NUP62: variants seen among roughly 807,000 people sequenced by gnomAD.
NUP62 encodes the protein nuclear pore glycoprotein p62.
For missense variants in NUP62, 647 were observed against 689.4 expected (o/e 0.94, Z 0.69); for synonymous variants, 305 against 303.4 (o/e 1.01, Z -0.05).
At position 49,908,505 on chromosome 19, in the gene NUP62, T is replaced by G. The variant is rs1219920087; in HGVS notation, c.1303A>C (p.Lys435Gln). The G allele has an allele frequency of 2.5e-6, 4 of 1,613,998 alleles. No homozygotes were observed. The highest frequency in any genetic ancestry group is 3.4e-6 in the Non-Finnish European group (4 of 1,180,030). ...HADEEREKTY[K>Q]LAENIDAQLK... ...TGTGCATCGATGTTCTCAGCCAGCTTGTAGGTTTTCTCACGCTCCTCATCC... is the reference window on the plus strand; with the variant it reads ...TGTGCATCGATGTTCTCAGCCAGCTGGTAGGTTTTCTCACGCTCCTCATCC... Residue 435 changes from lysine to glutamine, a missense_variant, in exon 3 of 3, where the codon AAG (lysine) becomes CAG (glutamine). Lys to Gln is a moderately conservative substitution (Grantham distance 53). Coordinates refer to ENST00000352066, the MANE Select transcript of NUP62 (RefSeq NM_016553.5).
intron 2 of NUP62, among the ~76,000 whole-genome samples, chr19:49,922,617 G>A (rs2075792074): frequency 6.6e-6 from 1 of 151,918 alleles, no homozygotes; most frequent in Non-Finnish European, 1.5e-5. Flanking sequence ...GTCACAGAGG[G>A]CCAGCAGCCT....
intron 2 of NUP62, among the ~76,000 whole-genome samples, chr19:49,917,393 C>A (rs114322646): frequency 1.9e-3 from 286 of 152,356 alleles, no homozygotes; most frequent in African/African-American, 6.4e-3. Context: ...GTTCCTCTTT[C>A]CTTTGCGTCA....
At chr19:49,917,742 CAG>C (rs1016927851) in intron 2 of NUP62, 2 of 152,216 alleles carry the variant, frequency 1.3e-5, no homozygotes, top group Admixed American at 1.3e-4. Context: ...TGGTAGAAAA[CAG>C]AGTGGGCCAG....
rs746940276 is a variant in NUP62, at chr19:49,909,458, C to T, written c.350G>A (p.Gly117Asp). The T allele has an allele frequency of 6.2e-7, 1 of 1,614,108 alleles. No homozygotes were observed. Among genetic ancestry groups the T allele is most frequent in the Admixed American group, 1.7e-5 (1 of 60,010 alleles). The change falls in exon 3 of 3, where the codon GGC becomes GAC. Residue 117 changes from glycine to aspartate, a missense_variant. Gly to Asp is a moderately conservative substitution (Grantham distance 94). Transcript: ENST00000352066. The stretch of plus-strand genomic sequence containing the variant: ...TATGGCATTAGTGAGGTTGCTGCTG[C>T]CCAGCCCAAAGCCGCTGGGGTTTGC... Reference protein sequence around the residue: ...AMANPSGFGLGSSNLTNAISS... With the variant: ...AMANPSGFGLDSSNLTNAISS...
At chr19:49,925,430 C>T (rs142564599) in intron 2 of NUP62, among the ~76,000 whole-genome samples, 1 of 142,902 alleles carries the variant, frequency 7.0e-6, no homozygotes, top group South Asian at 2.3e-4. Context: ...CCCTCCCCCC[C>T]ATCTCTACTA....
intron 1 of NUP62, 38 bp downstream of exon 1, chr19:49,929,288 T>G (rs1391610367): frequency 6.5e-6 from 1 of 153,518 alleles, no homozygotes; most frequent in African/African-American, 2.4e-5. Flanking sequence ...CTCTGTAGCC[T>G]CGACCCCTTT....
At position 49,908,932 on chromosome 19, in the gene NUP62, C is replaced by G. The variant is rs770477829; in HGVS notation, c.876G>C (p.Leu292Phe). The G allele has an allele frequency of 6.8e-6, 11 of 1,607,928 alleles. No individual in the cohort carries two copies. The highest frequency in any genetic ancestry group is 8.5e-6 in the Non-Finnish European group (10 of 1,177,362). ...TSSSSTTGFA[L>F]NLKPLAPAGI... The stretch of plus-strand genomic sequence containing the variant: ...CGGCTGGCGCCAGTGGTTTTAAATT[C>G]AAGGCAAAGCCGGTGGTGCTGCTGC... The change falls in exon 3 of 3, where the codon TTG (leucine) becomes TTC (phenylalanine). Residue 292 changes from leucine to phenylalanine, a missense_variant. Coordinates refer to ENST00000352066, the MANE Select transcript of NUP62 (RefSeq NM_016553.5).
chr19:49,928,055 G>C (rs1344776324), intron 1 of NUP62: 2 of 152,290 alleles, frequency 1.3e-5, no homozygotes, highest in African/African-American at 4.8e-5. Flanking sequence ...CCAGGGGATG[G>C]GGCCTGGGCA....
intron 1 of NUP62, chr19:49,928,745 G>A (rs1016926638): frequency 2.6e-5 from 4 of 152,210 alleles, no homozygotes; most frequent in Admixed American, 2.6e-4. Flanking sequence ...TAACCCACGA[G>A]GGTTTCTCAG....
intron 2 of NUP62, among the ~76,000 whole-genome samples, chr19:49,926,359 G>A (rs1036724864): frequency 1.3e-5 from 2 of 151,994 alleles, no homozygotes; most frequent in Admixed American, 1.3e-4. Flanking sequence ...GCAAAACCCC[G>A]TCTCTACTAA....
intron 2 of NUP62, chr19:49,918,733 C>G (rs1244640326): frequency 6.6e-6 from 1 of 152,224 alleles, no homozygotes; most frequent in Non-Finnish European, 1.5e-5. Context: ...GGAACTTTTA[C>G]TGCATGTTCA....
rs2075361776 is a variant in NUP62 at position 49,908,009 on chromosome 19, C to T, written c.*230G>A. On this transcript the variant is annotated 3_prime_UTR_variant, in exon 3 of 3. Transcript: ENST00000352066. ...TAGGTGAAAAGGGGCCAAAGATACT[C>T]AAATGAAAGCCACAGAAGCCACACC... The T allele has an allele frequency of 1.1e-6, 1 of 875,776 alleles. No individual in the cohort carries two copies. Among genetic ancestry groups the T allele is most frequent in the African/African-American group, 1.7e-5 (1 of 59,232 alleles). The allele number at this position is 875,776 out of a possible 1,614,324, so 54.3% of individuals were successfully genotyped here.
At position 49,909,143 on chromosome 19, in the gene NUP62, A is replaced by C; in HGVS notation, c.665T>G (p.Phe222Cys). ...GGTTGGAGCAGTTGCTATTGACGCA[A>C]AGAGGCTGGGCCCAGTGCTGGTGAT... The part of the protein sequence containing the change: ...ATITSTGPSL[F>C]ASIATAPTSS... The change falls in exon 3 of 3, where the codon TTT (phenylalanine) becomes TGT (cysteine). Residue 222 changes from phenylalanine to cysteine, a missense_variant. By Grantham distance (205) the Phe-to-Cys change is radical (BLOSUM62 -2). Transcript: ENST00000352066. 6.2e-7 allele frequency: 1 copy of C among 1,612,940 alleles called. No homozygotes were observed. Among genetic ancestry groups the C allele is most frequent in the Non-Finnish European group, 8.5e-7 (1 of 1,179,776 alleles).
intron 2 of NUP62, among the ~76,000 whole-genome samples, chr19:49,911,722 T>C (rs965442525): frequency 6.6e-6 from 1 of 152,218 alleles, no homozygotes; most frequent in African/African-American, 2.4e-5. Flanking sequence ...CACTACTGAC[T>C]GGGAGCATTC....
rs754900634 is a variant in NUP62, at chr19:49,906,883, G to A, written c.*1356C>T. ...AACATACAGTAATAGGTATTTCAGA[G>A]AATTCAGCAAAGTATAAAGACAAAT... On this transcript the variant is annotated 3_prime_UTR_variant, in exon 3 of 3. Coordinates refer to ENST00000352066, the MANE Select transcript of NUP62 (RefSeq NM_016553.5). 2.6e-5 allele frequency: 4 copies of A among 152,278 alleles called. No homozygotes were observed. The highest frequency in any genetic ancestry group is 5.9e-5 in the Non-Finnish European group (4 of 68,104). 9.4% of individuals were successfully genotyped at this position (152,278 alleles called of 1,614,324 possible).
intron 2 of NUP62, among the ~76,000 whole-genome samples, chr19:49,927,024 TA>T (rs1313190869): frequency 6.6e-6 from 1 of 151,980 alleles, no homozygotes; most frequent in African/African-American, 2.4e-5. Context: ...CACACCCGAC[TA>T]TTTTTTTGTA....
chr19:49,919,718 G>C (rs1484550698), intron 2 of NUP62, among the ~76,000 whole-genome samples: 1 of 152,112 alleles, frequency 6.6e-6, no homozygotes, highest in African/African-American at 2.4e-5. Flanking sequence ...CAGGAAAAAC[G>C]AATCAGCTAA....
At chr19:49,919,904 T>TC (rs2075723010) in intron 2 of NUP62, among the ~76,000 whole-genome samples, 1 of 152,154 alleles carries the variant, frequency 6.6e-6, no homozygotes, top group Non-Finnish European at 1.5e-5. Context: ...GAAAGTTTTT[T>TC]CCCCTCTACC....
chr19:49,925,449 CAA>C (rs56199048), intron 2 of NUP62, among the ~76,000 whole-genome samples: 166 of 132,782 alleles, frequency 1.3e-3, no homozygotes, highest in Middle Eastern at 3.9e-3. Context: ...TAAAAAAAGC[CAA>C]AAAAAAAAAA....
Sources: allele counts gnomAD v4.1 joint callset (sites outside exome capture counted in the v4.1 genomes callset), GRCh38; gene constraint gnomAD v4.1.1; transcripts MANE v1.5; gene names NCBI Gene and HGNC (gene_info 2026-07-23, HGNC 2026-07-21).